Variants in PSMD7 observed in about 807,000 individuals in gnomAD.
PSMD7 encodes 26S proteasome non-ATPase regulatory subunit 7.
A neutral mutation model predicts 36.4 loss-of-function variants in PSMD7; 13 were observed. The ratio of observed to expected loss-of-function variants is 0.36; its 90% CI spans 0.23 to 0.57. PSMD7 has a LOEUF of 0.57. Ranked by LOEUF, PSMD7 falls within the 20% of genes least tolerant of loss-of-function variation. The pLI is 0.83. For missense variants in PSMD7, 298 were observed against 393.6 expected, an observed-to-expected ratio of 0.76 and a Z score of 2.06; for synonymous variants, 186 against 151.0, an observed-to-expected ratio of 1.23 and a Z score of -1.70.
At position 74,305,383 on chromosome 16, in the gene PSMD7, A is replaced by G; in HGVS notation, c.625A>G (p.Arg209Gly). 1 of 1,614,218 alleles carries G rather than the reference A, an allele frequency of 6.2e-7. No individual in the cohort carries two copies. Among genetic ancestry groups the G allele is most frequent in the Non-Finnish European group, 8.5e-7 (1 of 1,180,040 alleles). The change falls in exon 7 of 7, where the codon AGG becomes GGG. Residue 209 changes from arginine (R) to glycine (G), a missense_variant. Arg to Gly is a moderately radical substitution (Grantham distance 125). Transcript: ENST00000219313. ...ACTGAACTCCAAGCTTCTGGATATCAGGAGCTACCTGGAAAAAGTCGCCAC... is the reference window on the plus strand; with the variant it reads ...ACTGAACTCCAAGCTTCTGGATATCGGGAGCTACCTGGAAAAAGTCGCCAC... Reference protein sequence around the residue: ...KGLNSKLLDIRSYLEKVATGK... With the variant: ...KGLNSKLLDIGSYLEKVATGK...
At position 74,299,035 on chromosome 16, in the gene PSMD7, G is replaced by A. The variant is rs1268344479; in HGVS notation, c.75-1080G>A. Among the ~76,000 whole-genome samples the A allele has an allele frequency of 2.4e-5, 3 of 125,104 alleles. No homozygotes were observed. In the Admixed American group the frequency reaches 3.0e-4, roughly 12 times the overall value. The allele number at this position is 125,104 out of a possible 152,430, so 82.1% of individuals were successfully genotyped here. Reference sequence around the variant, plus strand: ...TACCCCCCCACCCCCAAAAATGAGAGGCACCAGAAATACAGAATCATTAAC... The same window carrying A: ...TACCCCCCCACCCCCAAAAATGAGAAGCACCAGAAATACAGAATCATTAAC... On this transcript the variant is annotated intron_variant, in intron 1 of 6. Coordinates refer to ENST00000219313, the MANE Select transcript of PSMD7 (RefSeq NM_002811.5).
At position 74,301,033 on chromosome 16, in the gene PSMD7, CT is replaced by C. The variant is rs772759169; in HGVS notation, c.167-10del. 6.6e-5 allele frequency: 102 copies of C among 1,542,652 alleles called. No individual in the cohort carries two copies. Among genetic ancestry groups the C allele is most frequent in the Non-Finnish European group, 7.1e-5 (79 of 1,118,810 alleles). ...GTTTCTATCAAGCACCCTAAACTAA[CT>C]TTTTTTTTCCTCTTTAGTTCCTTTT... is the stretch of plus-strand genomic sequence containing the variant. On this transcript the variant is annotated intron_variant, in intron 2 of 6. Coordinates refer to ENST00000219313, the MANE Select transcript of PSMD7 (RefSeq NM_002811.5).
intron 2 of PSMD7, chr16:74,300,463 A>C: frequency 2.1e-6 from 1 of 479,244 alleles, no homozygotes; most frequent in Non-Finnish European, 3.8e-6. Flanking sequence ...CATGTAAACA[A>C]ACAAAAGTGG....
rs1282562756 is a variant in PSMD7, at chr16:74,300,187, T to C, written c.147T>C (p.Asp49=). 1.2e-6 allele frequency: 2 copies of C among 1,614,162 alleles called. No individual in the cohort carries two copies. The highest frequency in any genetic ancestry group is 2.2e-5 in the East Asian group (1 of 44,886). Residue 49 remains aspartate (D), a synonymous_variant, in exon 2 of 7, where the codon GAT becomes GAC. Coordinates refer to ENST00000219313, the MANE Select transcript of PSMD7 (RefSeq NM_002811.5). ...GGTCATGGCAAAAGAAAGTACTTGATGTATCGAACAGTTTTGCAGGTAAAA... is the reference window on the plus strand; with the variant it reads ...GGTCATGGCAAAAGAAAGTACTTGACGTATCGAACAGTTTTGCAGGTAAAA... The part of the protein sequence containing the change: ...LLGSWQKKVL[D]VSNSFAVPFD...
rs565466683 is a variant in PSMD7 at position 74,303,587 on chromosome 16, A to G, written c.439-716A>G. Among the ~76,000 whole-genome samples, 41 of 152,278 alleles carry G rather than the reference A, an allele frequency of 2.7e-4. 1 individual carries two copies. Among genetic ancestry groups the G allele is most frequent in the African/African-American group, 9.4e-4 (39 of 41,558 alleles). On this transcript the variant is annotated intron_variant, in intron 5 of 6. Transcript: ENST00000219313. ...ATTAATTCAGACCACCAGAAAGCCA[A>G]CTATTCTGATTGCATTGGTTTGGGC...
At chr16:74,304,513 G>C (rs999288421) in intron 6 of PSMD7, 119 bp downstream of exon 6, 16 of 792,208 alleles carry the variant, frequency 2.0e-5, no homozygotes, top group Non-Finnish European at 2.9e-5. Flanking sequence ...CCACTAACAA[G>C]TCTGCCATTC....
chr16:74,305,423 T>G lies in PSMD7; in HGVS notation c.665T>G (p.Ile222Ser). ...LEKVATGKLP[I>S]NHQIIYQLQD... ...AAAGTCGCCACAGGCAAGCTGCCCA[T>G]CAACCACCAGATCATCTACCAGCTG... Residue 222 changes from isoleucine to serine, a missense_variant, in exon 7 of 7, where the codon ATC becomes AGC. Physicochemically the swap from Ile to Ser is moderately radical, Grantham distance 142. Transcript: ENST00000219313. 1 of 1,614,176 alleles carries G rather than the reference T, an allele frequency of 6.2e-7. No individual in the cohort carries two copies. The highest frequency in any genetic ancestry group is 8.5e-7 in the Non-Finnish European group (1 of 1,180,028).
intron 1 of PSMD7, 81 bp downstream of exon 1, chr16:74,297,069 G>T: frequency 1.4e-6 from 2 of 1,451,254 alleles, no homozygotes. Context: ...CGGCGGCCGC[G>T]GACGAGCTGG....
intron 5 of PSMD7, among the ~76,000 whole-genome samples, chr16:74,302,903 A>G (rs2034166354): frequency 6.6e-6 from 1 of 152,240 alleles, no homozygotes; most frequent in Non-Finnish European, 1.5e-5. Flanking sequence ...TGTTCCTTGC[A>G]TCGAGCTCTG....
At chr16:74,300,356 C>T in intron 2 of PSMD7, 150 bp downstream of exon 2, 1 of 672,844 alleles carries the variant, frequency 1.5e-6, no homozygotes, top group Non-Finnish European at 2.6e-6. Flanking sequence ...AGATTGCACA[C>T]TAGACCAGAC....
rs1052494280 is a variant in PSMD7 at position 74,296,941 on chromosome 16, G to A, written c.27G>A (p.Val9=). The A allele has an allele frequency of 3.1e-6, 5 of 1,613,358 alleles. No homozygotes were observed. In the African/African-American group the frequency reaches 6.7e-5, roughly 22 times the overall value. The change falls in exon 1 of 7, where the codon GTG becomes GTA. Residue 9 remains valine (V), a synonymous_variant. Transcript: ENST00000219313. MPELAVQK[V]VVHPLVLLSV... Reference sequence around the variant, plus strand: ...TGCCGGAGCTGGCAGTGCAGAAGGTGGTGGTCCACCCCCTGGTGCTGCTCA... The same window carrying A: ...TGCCGGAGCTGGCAGTGCAGAAGGTAGTGGTCCACCCCCTGGTGCTGCTCA...
chr16:74,298,148 C>G, intron 1 of PSMD7, among the ~76,000 whole-genome samples: 1 of 137,052 alleles, frequency 7.3e-6, no homozygotes, highest in East Asian at 2.3e-4. Context: ...AGAGTGAGAC[C>G]CTGTCTCCAA....
At chr16:74,304,881 C>G (rs2034183220) in intron 6 of PSMD7, among the ~76,000 whole-genome samples, 1 of 152,162 alleles carries the variant, frequency 6.6e-6, no homozygotes, top group African/African-American at 2.4e-5. Context: ...CTTAGTTAAG[C>G]TTCTCAATAT....
chr16:74,300,920 A>T (rs2142563016), intron 2 of PSMD7, 132 bp from the exon 3 acceptor site: 1 of 486,904 alleles, frequency 2.1e-6, no homozygotes, highest in East Asian at 3.4e-5. Flanking sequence ...CAGCTCAAAA[A>T]AAATTTTTTA....
Position 74,306,033 on chromosome 16 carries a change from C to T in PSMD7, c.*300C>T, listed in dbSNP as rs1360637658. 1 of 225,926 alleles carries T rather than the reference C, an allele frequency of 4.4e-6. No individual in the cohort carries two copies. Among genetic ancestry groups the T allele is most frequent in the East Asian group, 8.1e-5 (1 of 12,406 alleles). The allele number at this position is 225,926 out of a possible 1,614,324, so 14.0% of individuals were successfully genotyped here. On this transcript the variant is annotated 3_prime_UTR_variant, in exon 7 of 7. Transcript: ENST00000219313. Reference sequence around the variant, plus strand: ...ATTTTGGTACTCTTCATTCATTTATCTCTAAAACCAGGAGTTGAATTTTCC... The same window carrying T: ...ATTTTGGTACTCTTCATTCATTTATTTCTAAAACCAGGAGTTGAATTTTCC...
At chr16:74,297,081 G>A (rs79790131) in intron 1 of PSMD7, 93 bp downstream of exon 1, 24,523 of 1,349,938 alleles carry the variant, frequency 0.018, 366 homozygotes, top group Non-Finnish European at 0.021. Flanking sequence ...ACGAGCTGGG[G>A]ACGCAGATAG....
chr16:74,297,087 G>A, intron 1 of PSMD7, 99 bp downstream of exon 1: 1 of 1,307,968 alleles, frequency 7.6e-7, no homozygotes, highest in Non-Finnish European at 1.1e-6. Flanking sequence ...TGGGGACGCA[G>A]ATAGGGCGGC....
In PSMD7 at chr16:74,305,316, T is replaced by C; in HGVS notation, c.558T>C (p.Thr186=). 1 of 1,612,518 alleles carries C rather than the reference T, an allele frequency of 6.2e-7. No individual in the cohort carries two copies. Among genetic ancestry groups the C allele is most frequent in the Non-Finnish European group, 8.5e-7 (1 of 1,179,014 alleles). ...LRDIKDTTVG[T]LSQRITNQVH... The stretch of plus-strand genomic sequence containing the variant: ...ATATCAAAGACACGACGGTGGGCAC[T>C]CTGTCCCAGCGGATCACAAACCAGG... Residue 186 remains threonine (T), a synonymous_variant, in exon 7 of 7, where the codon ACT becomes ACC. Coordinates refer to ENST00000219313, the MANE Select transcript of PSMD7 (RefSeq NM_002811.5).
Position 74,296,905 on chromosome 16 carries a change from GT to G in PSMD7, c.-9del, listed in dbSNP as rs1270241845. 2.5e-6 allele frequency: 4 copies of G among 1,613,058 alleles called. No individual in the cohort carries two copies. The highest frequency in any genetic ancestry group is 3.4e-6 in the Non-Finnish European group (4 of 1,179,740). On this transcript the variant is annotated 5_prime_UTR_variant, in exon 1 of 7. Transcript: ENST00000219313. ...CAGGGAGCCAGGCCTGGCGAGCGGGGTGTGTCGCGATGCCGGAGCTGGCAGT... is the reference window on the plus strand; with the variant it reads ...CAGGGAGCCAGGCCTGGCGAGCGGGGGTGTCGCGATGCCGGAGCTGGCAGT...
Sources: allele counts gnomAD v4.1 joint callset (sites outside exome capture counted in the v4.1 genomes callset), GRCh38; gene constraint gnomAD v4.1.1; transcripts MANE v1.5; gene names NCBI Gene and HGNC (gene_info 2026-07-23, HGNC 2026-07-21).